The following FAM53A variants were observed in gnomAD, a reference collection of about 807,000 sequenced individuals.
The protein encoded by FAM53A is protein FAM53A.
FAM53A carries 28 observed loss-of-function variants against 26.6 expected under a neutral mutation model. That is an observed-to-expected ratio of 1.05 (90% confidence interval 0.78 to 1.45). The LOEUF is 1.45. Ranked by LOEUF, FAM53A falls within the 40% of genes most tolerant of loss-of-function variation. The pLI, the probability that FAM53A is intolerant of heterozygous loss-of-function variation, is 0.00. For missense variants in FAM53A, 650 were observed against 575.8 expected (o/e 1.13, Z -1.32); for synonymous variants, 290 against 253.1 (o/e 1.15, Z -1.38).
In FAM53A at chr4:1,652,587, A is replaced by G. The variant is rs1286371825; in HGVS notation, c.882+2391T>C. Among the ~76,000 whole-genome samples the G allele has an allele frequency of 2.8e-5, 4 of 143,066 alleles. No homozygotes were observed. In the East Asian group the frequency reaches 8.7e-4, roughly 31 times the overall value. 93.9% of individuals were successfully genotyped at this position (143,066 alleles called of 152,430 possible). The stretch of plus-strand genomic sequence containing the variant: ...CACACACACCACACACAGGCCACAC[A>G]TCACACACACCACACATCACTCACC... On this transcript the variant is annotated intron_variant, in intron 4 of 4. Coordinates refer to ENST00000308132, the MANE Select transcript of FAM53A (RefSeq NM_001174070.3).
rs981350134 is a variant in FAM53A, at chr4:1,630,546, C to G, written c.432-12435G>C. ...GCAGGGTCTACAAAAATACACGCCC[C>G]GGGCCCCGTTCAGCCAGTCCGTCCC... On this transcript the variant is annotated intron_variant, in intron 1 of 1. Coordinates refer to the FAM53A transcript ENST00000489029. This position sits in a 1 kb window ranked among gnomAD's most constrained non-coding sequence, Gnocchi z 4.3. Among the ~76,000 whole-genome samples the G allele has an allele frequency of 6.6e-6, 1 of 152,156 alleles. No individual in the cohort carries two copies. The highest frequency in any genetic ancestry group is 2.1e-4 in the South Asian group (1 of 4,820).
At chr4:1,646,161 C>T (rs376013201) in intron 4 of FAM53A, among the ~76,000 whole-genome samples, 2 of 151,632 alleles carry the variant, frequency 1.3e-5, no homozygotes, top group Admixed American at 6.6e-5. Context: ...AGTGCAGTGG[C>T]GCGGTCTCGG....
At chr4:1,587,628 C>T in the FAM53A span, among the ~76,000 whole-genome samples, 842 of 152,190 alleles carry the variant, frequency 5.5e-3, 9 homozygotes, top group African/African-American at 0.019. Context: ...GCTGAGATTG[C>T]GCCACTGCAC....
chr4:1,674,777 G>A (rs921587967), intron 1 of FAM53A, among the ~76,000 whole-genome samples: 2 of 152,158 alleles, frequency 1.3e-5, no homozygotes, highest in Admixed American at 6.5e-5. Flanking sequence ...TGGGGGATGC[G>A]ATTCCACACA....
intron 4 of FAM53A, among the ~76,000 whole-genome samples, chr4:1,651,957 A>G (rs1359977071): frequency 6.7e-6 from 1 of 149,116 alleles, no homozygotes. Flanking sequence ...TCAGACACAC[A>G]CACACACCAT....
intron 1 of FAM53A, among the ~76,000 whole-genome samples, chr4:1,620,567 T>A (rs1490371494): frequency 1.3e-5 from 2 of 151,304 alleles, no homozygotes; most frequent in African/African-American, 4.9e-5. Context: ...ACGCCTGTAA[T>A]CCCAGCTACT....
Position 1,655,491 on chromosome 4 carries a change from G to A in FAM53A, c.369C>T (p.Ser123=), listed in dbSNP as rs543639365. 107 of 1,575,768 alleles carry A rather than the reference G, an allele frequency of 6.8e-5. No homozygotes were observed. Among genetic ancestry groups the A allele is most frequent in the Non-Finnish European group, 8.4e-5 (97 of 1,159,572 alleles). ...GCACAAGCTCCTCGGGTTCTGACAAGGACCGGCAATGCCGCTTGGTCGGTG... is the reference window on the plus strand; with the variant it reads ...GCACAAGCTCCTCGGGTTCTGACAAAGACCGGCAATGCCGCTTGGTCGGTG... ...TAPPTKRHCR[S]LSEPEELVRC... Residue 123 remains serine, a synonymous_variant, in exon 4 of 5, where the codon TCC becomes TCT. Coordinates refer to ENST00000308132, the MANE Select transcript of FAM53A (RefSeq NM_001174070.3).
chr4:1,593,923 T>C, the FAM53A span, among the ~76,000 whole-genome samples: 1 of 152,198 alleles, frequency 6.6e-6, no homozygotes, highest in Admixed American at 6.5e-5. Flanking sequence ...AGGGTAACTC[T>C]TGACCCTGCG....
the FAM53A span, among the ~76,000 whole-genome samples, chr4:1,602,202 T>C: frequency 6.6e-6 from 1 of 152,126 alleles, no homozygotes; most frequent in African/African-American, 2.4e-5. Flanking sequence ...CTGGCATAAT[T>C]GGATAATTCC....
chr4:1,646,124 G>A (rs1201122934), intron 4 of FAM53A, among the ~76,000 whole-genome samples: 3 of 150,882 alleles, frequency 2.0e-5, no homozygotes, highest in Non-Finnish European at 3.0e-5. Context: ...TTTTTGAGAC[G>A]GAGTCTTGCT....
the FAM53A span, among the ~76,000 whole-genome samples, chr4:1,589,216 CTTTTTTAATCT>C: frequency 2.6e-5 from 4 of 152,132 alleles, no homozygotes; most frequent in African/African-American, 9.7e-5. Context: ...CTATCAAATC[CTTTTTTAATCT>C]GTACAGATAA....
chr4:1,656,501 G>A (rs1410602484), intron 3 of FAM53A, among the ~76,000 whole-genome samples: 1 of 152,140 alleles, frequency 6.6e-6, no homozygotes, highest in African/African-American at 2.4e-5. Flanking sequence ...AGAGAGATGG[G>A]GGCTGTGGGG....
chr4:1,579,814 C>T, the FAM53A span, among the ~76,000 whole-genome samples: 6 of 152,162 alleles, frequency 3.9e-5, no homozygotes, highest in Admixed American at 3.9e-4. Context: ...CGCTGCGGGG[C>T]CCGCAGGGAG....
At chr4:1,600,591 C>A in the FAM53A span, among the ~76,000 whole-genome samples, 1 of 152,308 alleles carries the variant, frequency 6.6e-6, no homozygotes, top group Middle Eastern at 3.4e-3. Flanking sequence ...ATTGCTGTGG[C>A]CGGCACACTG....
intron 1 of FAM53A, among the ~76,000 whole-genome samples, chr4:1,673,366 A>G (rs574235769): frequency 6.6e-6 from 1 of 152,200 alleles, no homozygotes; most frequent in Non-Finnish European, 1.5e-5. Flanking sequence ...GAACGCCTGG[A>G]GGGTCTGCAC....
At chr4:1,658,874 A>G (rs1713616084) in intron 2 of FAM53A, among the ~76,000 whole-genome samples, 1 of 152,240 alleles carries the variant, frequency 6.6e-6, no homozygotes, top group Admixed American at 6.5e-5. Context: ...ACCCTGTGAC[A>G]AGGACACGGC....
chr4:1,621,276 T>C (rs1226121052), intron 1 of FAM53A, among the ~76,000 whole-genome samples: 1 of 152,018 alleles, frequency 6.6e-6, no homozygotes, highest in African/African-American at 2.4e-5. Context: ...GCTAATTTTT[T>C]GTATTTTTTA....
At chr4:1,607,396 C>T in the FAM53A span, among the ~76,000 whole-genome samples, 5 of 151,516 alleles carry the variant, frequency 3.3e-5, no homozygotes, top group South Asian at 2.1e-4. Context: ...ATTATGGAAA[C>T]GTGCGTGCGT....
At chr4:1,608,438 C>T in the FAM53A span, among the ~76,000 whole-genome samples, 1 of 152,254 alleles carries the variant, frequency 6.6e-6, no homozygotes, top group African/African-American at 2.4e-5. Flanking sequence ...CGGGCCCCTC[C>T]CCGCCCAGGC....
Sources: gnomAD v4.1 joint callset for allele counts (sites outside exome capture counted in the v4.1 genomes callset) on GRCh38, gnomAD v4.1.1 for gene constraint, Gnocchi (gnomAD v3.1) non-coding constraint, MANE v1.5 for transcripts, NCBI Gene and HGNC (gene_info 2026-07-23, HGNC 2026-07-21) for gene names.